The following MATCAP2 variants were observed in gnomAD, a reference collection of about 807,000 sequenced individuals.
MATCAP2 encodes putative tyrosine carboxypeptidase MATCAP2.
At chr7:36,355,904 GT>G in the MATCAP2 span, 1 of 152,140 alleles carries the variant, frequency 6.6e-6, no homozygotes, top group Admixed American at 6.6e-5. Context: ...CTTAAATGAG[GT>G]TCTGAAATGT....
At chr7:36,351,966 T>G in the MATCAP2 span, among the ~76,000 whole-genome samples, 1 of 135,104 alleles carries the variant, frequency 7.4e-6, no homozygotes, top group Non-Finnish European at 1.6e-5. Context: ...AAAAAAAAAT[T>G]TAAGATACAA....
the MATCAP2 span, among the ~76,000 whole-genome samples, chr7:36,358,496 T>C: frequency 6.6e-6 from 1 of 152,236 alleles, no homozygotes; most frequent in Non-Finnish European, 1.5e-5. Flanking sequence ...AAGGGTTTTT[T>C]CTTGGCAAGT....
the MATCAP2 span, among the ~76,000 whole-genome samples, chr7:36,382,061 G>C: frequency 4.6e-5 from 7 of 151,902 alleles, no homozygotes; most frequent in Non-Finnish European, 1.5e-5. Context: ...GGAAGGCCGA[G>C]GTGGGCAGAT....
the MATCAP2 span, among the ~76,000 whole-genome samples, chr7:36,339,901 C>G: frequency 6.6e-6 from 1 of 152,162 alleles, no homozygotes; most frequent in Non-Finnish European, 1.5e-5. Flanking sequence ...TGTAGTGGCA[C>G]GATCTCGGCT....
the MATCAP2 span, among the ~76,000 whole-genome samples, chr7:36,335,752 T>C: frequency 1.9e-4 from 28 of 150,902 alleles, no homozygotes; most frequent in African/African-American, 6.8e-4. Context: ...AGTAAAATAG[T>C]TGGGAAAACA....
chr7:36,326,924 A>G, the MATCAP2 span: 2 of 1,598,172 alleles, frequency 1.3e-6, no homozygotes, highest in Non-Finnish European at 1.7e-6. Flanking sequence ...GAAACCTGAA[A>G]AAAAGGAAGA....
chr7:36,382,511 G>A, the MATCAP2 span, among the ~76,000 whole-genome samples: 1 of 147,894 alleles, frequency 6.8e-6, no homozygotes, highest in Non-Finnish European at 1.5e-5. Context: ...TTTTTGTTTT[G>A]AGATGGAGTC....
chr7:36,351,914 C>T, the MATCAP2 span, among the ~76,000 whole-genome samples: 2 of 142,524 alleles, frequency 1.4e-5, no homozygotes, highest in Non-Finnish European at 3.0e-5. Context: ...CCACTGTACT[C>T]CAGCCTGGGT....
At chr7:36,349,781 T>C in the MATCAP2 span, among the ~76,000 whole-genome samples, 1 of 152,212 alleles carries the variant, frequency 6.6e-6, no homozygotes, top group Non-Finnish European at 1.5e-5. Context: ...TACATGTTAA[T>C]CAAGTTTTCA....
chr7:36,346,560 C>T, the MATCAP2 span, among the ~76,000 whole-genome samples: 4 of 152,108 alleles, frequency 2.6e-5, no homozygotes, highest in Non-Finnish European at 4.4e-5. Flanking sequence ...CCATTCATAT[C>T]GAAAGTCCAG....
the MATCAP2 span, among the ~76,000 whole-genome samples, chr7:36,362,608 G>A: frequency 1.3e-5 from 2 of 152,180 alleles, no homozygotes; most frequent in South Asian, 4.1e-4. Context: ...CATGGTCTAT[G>A]AGGTCACTCT....
chr7:36,374,005 CT>C, the MATCAP2 span, among the ~76,000 whole-genome samples: 1 of 152,128 alleles, frequency 6.6e-6, no homozygotes, highest in African/African-American at 2.4e-5. Flanking sequence ...ATCTCCTGAC[CT>C]CATGATCCAC....
the MATCAP2 span, chr7:36,366,875 G>GC: frequency 6.8e-7 from 1 of 1,477,930 alleles, no homozygotes; most frequent in Non-Finnish European, 8.9e-7. Flanking sequence ...ACCCCGGTCC[G>GC]CCCCGCACCC....
the MATCAP2 span, among the ~76,000 whole-genome samples, chr7:36,377,840 TTTCA>T: frequency 6.6e-6 from 1 of 152,238 alleles, no homozygotes; most frequent in Non-Finnish European, 1.5e-5. Flanking sequence ...TCTCACTTCA[TTTCA>T]TTCATTTGAT....
At chr7:36,331,355 G>T in the MATCAP2 span, among the ~76,000 whole-genome samples, 1 of 151,996 alleles carries the variant, frequency 6.6e-6, no homozygotes, top group African/African-American at 2.4e-5. Flanking sequence ...ATAGAGACTG[G>T]TAATTTTAAA....
chr7:36,389,826 G>C, the MATCAP2 span: 23 of 984,468 alleles, frequency 2.3e-5, no homozygotes, highest in South Asian at 3.2e-5. Context: ...CTCGCGGCTC[G>C]GCGCTGAAAT....
the MATCAP2 span, among the ~76,000 whole-genome samples, chr7:36,348,864 T>C: frequency 6.6e-6 from 1 of 152,244 alleles, no homozygotes; most frequent in Non-Finnish European, 1.5e-5. Context: ...AGAGCTTGAT[T>C]TGACAAGACT....
chr7:36,324,296 C>A, the MATCAP2 span: 2 of 152,098 alleles, frequency 1.3e-5, no homozygotes, highest in African/African-American at 2.4e-5. Context: ...ACAAACAATA[C>A]AAATTTTAAA....
the MATCAP2 span, among the ~76,000 whole-genome samples, chr7:36,335,576 G>A: frequency 1.4e-4 from 21 of 152,250 alleles, no homozygotes; most frequent in East Asian, 9.6e-4. Flanking sequence ...GAGGCTTCTC[G>A]GGCAAATCTC....
Sources: gnomAD v4.1 joint callset for allele counts (sites outside exome capture counted in the v4.1 genomes callset) on GRCh38, gnomAD v4.1.1 for gene constraint, MANE v1.5 for transcripts, NCBI Gene and HGNC (gene_info 2026-07-23, HGNC 2026-07-21) for gene names.